Variants in PAK5 observed in about 807,000 individuals in gnomAD.
PAK5 encodes p21 (RAC1) activated kinase 5.
A neutral mutation model predicts 65.9 loss-of-function variants in PAK5; 16 were observed. The observed-to-expected ratio is 0.24, with a 90% CI of 0.16 to 0.37. The LOEUF (loss-of-function observed/expected upper bound fraction) is 0.37, where lower values mean the gene tolerates loss of function less well. Ranked by LOEUF, PAK5 falls within the 10% of genes least tolerant of loss-of-function variation. The pLI, the probability that PAK5 is intolerant of heterozygous loss-of-function variation, is 1.00. For synonymous variants in PAK5, 371 were observed against 354.9 expected (o/e 1.05, Z -0.51); for missense variants, 785 against 903.9 (o/e 0.87, Z 1.69).
intron 3 of PAK5, among the ~76,000 whole-genome samples, chr20:9,618,116 T>A (rs537951601): frequency 6.6e-6 from 1 of 152,220 alleles, no homozygotes; most frequent in East Asian, 1.9e-4. Context: ...GCTTGTAATG[T>A]GGCTCTCACA....
intron 3 of PAK5, among the ~76,000 whole-genome samples, chr20:9,582,649 G>C (rs2045999328): frequency 6.6e-6 from 1 of 152,096 alleles, no homozygotes; most frequent in Admixed American, 6.6e-5. Flanking sequence ...GTCTACTCAA[G>C]GGTCAGGGAT....
At chr20:9,749,518 G>A (rs2048549820) in intron 1 of PAK5, among the ~76,000 whole-genome samples, 1 of 152,112 alleles carries the variant, frequency 6.6e-6, no homozygotes, top group Admixed American at 6.5e-5. Context: ...GCTCACTCAT[G>A]GAAAGCAGAC....
At chr20:9,565,623 A>G (rs2045662427) in intron 5 of PAK5, among the ~76,000 whole-genome samples, 1 of 152,216 alleles carries the variant, frequency 6.6e-6, no homozygotes, top group Non-Finnish European at 1.5e-5. Flanking sequence ...AAAAATGGTG[A>G]TAACATCTTT....
intron 1 of PAK5, among the ~76,000 whole-genome samples, chr20:9,766,545 ATATAT>A: frequency 2.4e-5 from 3 of 124,990 alleles, no homozygotes; most frequent in African/African-American, 5.9e-5. Flanking sequence ...ATATATATAT[ATATAT>A]TTTCAAGCAG....
At chr20:9,782,538 G>A (rs1279909929) in intron 1 of PAK5, among the ~76,000 whole-genome samples, 1 of 152,156 alleles carries the variant, frequency 6.6e-6, no homozygotes, top group East Asian at 1.9e-4. Context: ...ACATGTGGGT[G>A]GCAGGCAGTG....
At chr20:9,769,166 A>G (rs758611004) in intron 1 of PAK5, among the ~76,000 whole-genome samples, 2 of 152,212 alleles carry the variant, frequency 1.3e-5, no homozygotes, top group Non-Finnish European at 2.9e-5. Context: ...AGTGCAATTA[A>G]TATCTGTTAG....
chr20:9,806,414 G>A (rs948690244), intron 1 of PAK5, among the ~76,000 whole-genome samples: 7 of 152,150 alleles, frequency 4.6e-5, no homozygotes, highest in South Asian at 2.1e-4. Context: ...ACAAGGCAGA[G>A]CATTTGTATC....
chr20:9,636,802 A>G (rs1228478639), intron 3 of PAK5, among the ~76,000 whole-genome samples: 1 of 152,222 alleles, frequency 6.6e-6, no homozygotes. Flanking sequence ...CTCTATTTTC[A>G]TTTAAAACAA....
intron 2 of PAK5, among the ~76,000 whole-genome samples, chr20:9,701,176 A>C (rs1172859529): frequency 2.6e-5 from 4 of 152,230 alleles, no homozygotes; most frequent in East Asian, 1.9e-4. Flanking sequence ...TTCTCTCTAT[A>C]TATATAGAGA....
chr20:9,699,561 T>G (rs1467090242), intron 2 of PAK5, among the ~76,000 whole-genome samples: 9 of 151,294 alleles, frequency 5.9e-5, no homozygotes, highest in South Asian at 2.1e-4. Context: ...TTGTTTTTTT[T>G]TTTTTTTTTT....
At chr20:9,606,473 G>A (rs1334370388) in intron 3 of PAK5, among the ~76,000 whole-genome samples, 2 of 152,148 alleles carry the variant, frequency 1.3e-5, no homozygotes, top group African/African-American at 2.4e-5. Context: ...AGTGAAGGAA[G>A]GAGTAAAAGA....
At chr20:9,796,026 T>A (rs2049100937) in intron 1 of PAK5, among the ~76,000 whole-genome samples, 1 of 152,064 alleles carries the variant, frequency 6.6e-6, no homozygotes, top group Non-Finnish European at 1.5e-5. Context: ...CTTTACACTA[T>A]AGCCTGATTT....
At chr20:9,558,951 A>T (rs1007778467) in intron 6 of PAK5, among the ~76,000 whole-genome samples, 1 of 152,216 alleles carries the variant, frequency 6.6e-6, no homozygotes, top group African/African-American at 2.4e-5. Context: ...TGGCCAGGTC[A>T]TGATTCAAAC....
intron 7 of PAK5, among the ~76,000 whole-genome samples, chr20:9,555,218 A>T (rs2045487967): frequency 6.6e-6 from 1 of 152,204 alleles, no homozygotes; most frequent in South Asian, 2.1e-4. Flanking sequence ...TGAGAGAACA[A>T]ACCAATAAGG....
At chr20:9,716,373 C>A (rs183343114) in intron 1 of PAK5, among the ~76,000 whole-genome samples, 171 of 152,310 alleles carry the variant, frequency 1.1e-3, no homozygotes, top group Non-Finnish European at 3.4e-4. Flanking sequence ...AGAGTATCAG[C>A]AGACAAGTCA....
chr20:9,651,226 C>T (rs948179164), intron 2 of PAK5, among the ~76,000 whole-genome samples: 2 of 152,144 alleles, frequency 1.3e-5, no homozygotes, highest in Non-Finnish European at 2.9e-5. Context: ...ATAATATTCT[C>T]CCCCTCAGTG....
At chr20:9,679,218 A>C (rs989768375) in intron 2 of PAK5, among the ~76,000 whole-genome samples, 16 of 152,236 alleles carry the variant, frequency 1.1e-4, no homozygotes, top group Admixed American at 9.8e-4. Flanking sequence ...TTATTGTAAT[A>C]ATACAGTATA....
At chr20:9,568,069 G>A (rs928321306) in intron 4 of PAK5, among the ~76,000 whole-genome samples, 3 of 152,188 alleles carry the variant, frequency 2.0e-5, no homozygotes, top group African/African-American at 7.2e-5. Flanking sequence ...GTCCACTAAG[G>A]AAGATGGGCC....
At chr20:9,760,701 T>A (rs1012562) in intron 1 of PAK5, among the ~76,000 whole-genome samples, 1 of 140,890 alleles carries the variant, frequency 7.1e-6, no homozygotes, top group East Asian at 2.1e-4. Flanking sequence ...AGACAGAGTA[T>A]TACTTTGTCA....
Sources: allele counts gnomAD v4.1 joint callset (sites outside exome capture counted in the v4.1 genomes callset), GRCh38; gene constraint gnomAD v4.1.1; transcripts MANE v1.5; gene names NCBI Gene and HGNC (gene_info 2026-07-23, HGNC 2026-07-21).